The following TNIP3 variants were observed in gnomAD, a reference collection of about 807,000 sequenced individuals.
The protein encoded by TNIP3 is TNFAIP3 interacting protein 3.
A neutral mutation model predicts 54.1 loss-of-function variants in TNIP3; 34 were observed. The ratio of observed to expected loss-of-function variants is 0.63; its 90% confidence interval spans 0.48 to 0.84. The LOEUF (loss-of-function observed/expected upper bound fraction) is 0.84. Among genes scored for constraint, TNIP3 ranks in the 40% least tolerant of loss-of-function variants. The pLI is 0.00. For missense variants in TNIP3, 366 were observed against 387.6 expected, an observed-to-expected ratio of 0.94 and a Z score of 0.47; for synonymous variants, 134 against 136.8, an observed-to-expected ratio of 0.98 and a Z score of 0.14.
chr4:121,210,780 T>G (rs1018606542), intron 2 of TNIP3, among the ~76,000 whole-genome samples: 12 of 152,186 alleles, frequency 7.9e-5, no homozygotes, highest in African/African-American at 2.9e-4. Flanking sequence ...CCCACCCTTA[T>G]GACTTCACTT....
Position 121,164,301 on chromosome 4 carries a change from T to C in TNIP3, c.-176A>G. The C allele has an allele frequency of 1.4e-6, 2 of 1,426,158 alleles. No individual in the cohort carries two copies. The highest frequency in any genetic ancestry group is 1.5e-5 in the South Asian group (1 of 65,794). The allele number at this position is 1,426,158 out of a possible 1,614,324, so 88.3% of individuals were successfully genotyped here. A position where few individuals can be genotyped will look rare whatever the true frequency, so the allele number is the denominator to read the frequency against. ...CATTAAAAATGAACAGAAGTGACTG[T>C]GGATAGGAATTACACAGAATAAAGT... is the stretch of plus-strand genomic sequence containing the variant. On this transcript the variant is annotated 5_prime_UTR_variant, in exon 1 of 11. Coordinates refer to ENST00000057513, the MANE Select transcript of TNIP3 (RefSeq NM_024873.6).
At chr4:121,174,465 A>T (rs1724186082) in intron 3 of TNIP3, among the ~76,000 whole-genome samples, 1 of 152,106 alleles carries the variant, frequency 6.6e-6, no homozygotes, top group Admixed American at 6.5e-5. Context: ...GCATATAAAG[A>T]TGATGTAGGT....
At chr4:121,163,179 A>G (rs1730559292) in intron 1 of TNIP3, among the ~76,000 whole-genome samples, 1 of 152,126 alleles carries the variant, frequency 6.6e-6, no homozygotes, top group Non-Finnish European at 1.5e-5. Flanking sequence ...AAAATAGAAA[A>G]CATAGTGACT....
At chr4:121,174,998 T>A (rs1241996353) in intron 3 of TNIP3, among the ~76,000 whole-genome samples, 32 of 152,216 alleles carry the variant, frequency 2.1e-4, no homozygotes, top group Admixed American at 2.0e-3. Context: ...TGGGTTGAGA[T>A]GTCCCTAGGA....
At chr4:121,216,324 T>C in intron 2 of TNIP3, 6 of 1,134,880 alleles carry the variant, frequency 5.3e-6, no homozygotes, top group Middle Eastern at 2.9e-4. Context: ...TCTCTTCTAC[T>C]CTTAATACAC....
intron 2 of TNIP3, among the ~76,000 whole-genome samples, chr4:121,199,867 A>G (rs1299810127): frequency 6.6e-6 from 1 of 152,230 alleles, no homozygotes; most frequent in East Asian, 1.9e-4. Context: ...GTGTAACAGC[A>G]CATGGCTTAG....
chr4:121,169,584 G>C (rs758458598), intron 3 of TNIP3, among the ~76,000 whole-genome samples: 1 of 152,148 alleles, frequency 6.6e-6, no homozygotes, highest in Non-Finnish European at 1.5e-5. Flanking sequence ...TTTAGTGCCT[G>C]TGCGTGTTCA....
At chr4:121,226,313 CATA>C (rs1293475170) in intron 1 of TNIP3, among the ~76,000 whole-genome samples, 3 of 152,118 alleles carry the variant, frequency 2.0e-5, no homozygotes, top group South Asian at 4.2e-4. Flanking sequence ...AATGAAAAGG[CATA>C]ATGTTTTTCT....
rs567870618 is a variant in TNIP3, at chr4:121,184,341, G to A, written c.69-1545C>T. 2.1e-4 allele frequency among the ~76,000 whole-genome samples: 32 copies of A among 152,316 alleles called. No homozygotes were observed. In the South Asian group the frequency reaches 5.0e-3, roughly 24 times the overall value. On this transcript the variant is annotated intron_variant, in intron 2 of 12. Coordinates refer to the TNIP3 transcript ENST00000507879. ...GTTGTCTGCTCAATCCACCACCCTT[G>A]TTGAGAGTAGCTCACAGGAGTAGGC...
chr4:121,181,281 C>A (rs903243989), intron 3 of TNIP3, among the ~76,000 whole-genome samples: 3 of 152,172 alleles, frequency 2.0e-5, no homozygotes, highest in South Asian at 2.1e-4. Flanking sequence ...CATGAAATTT[C>A]TTTCTGAGGT....
chr4:121,208,666 T>C (rs1726314192), intron 2 of TNIP3, among the ~76,000 whole-genome samples: 1 of 152,204 alleles, frequency 6.6e-6, no homozygotes. Context: ...TTTGTCTAGG[T>C]AACAGGCAAG....
intron 3 of TNIP3, among the ~76,000 whole-genome samples, chr4:121,182,289 G>C (rs553498561): frequency 1.3e-5 from 2 of 152,038 alleles, no homozygotes; most frequent in Non-Finnish European, 2.9e-5. Context: ...AATACAAAAC[G>C]AAACAAAAAC....
intron 2 of TNIP3, among the ~76,000 whole-genome samples, chr4:121,201,358 C>T (rs183592068): frequency 6.6e-6 from 1 of 152,260 alleles, no homozygotes; most frequent in East Asian, 1.9e-4. Context: ...CAGAGTGGAA[C>T]ATCTTGTTAC....
intron 2 of TNIP3, among the ~76,000 whole-genome samples, chr4:121,195,637 A>G (rs13133740): frequency 0.41 from 61,703 of 152,136 alleles, 14,831 homozygotes; most frequent in African/African-American, 0.68. Flanking sequence ...GAATAAAATT[A>G]TTTGTTGTTC....
intron 2 of TNIP3, among the ~76,000 whole-genome samples, chr4:121,183,416 T>C (rs192775263): frequency 3.1e-4 from 47 of 151,986 alleles, no homozygotes; most frequent in African/African-American, 1.1e-3. Context: ...CCAGAGGGAG[T>C]TGCTCATAGT....
chr4:121,182,798 T>C lies in TNIP3; in HGVS notation c.69-2A>G. 1 of 1,534,092 alleles carries C rather than the reference T, an allele frequency of 6.5e-7. No homozygotes were observed. The highest frequency in any genetic ancestry group is 1.2e-5 in the South Asian group (1 of 83,964). ...TTGTCCAGCTCCATGCTTTCACATCTGCCCAGAAAGACATGGGAAAGTTAC... is the reference window on the plus strand; with the variant it reads ...TTGTCCAGCTCCATGCTTTCACATCCGCCCAGAAAGACATGGGAAAGTTAC... On this transcript the variant is annotated splice_acceptor_variant, in intron 2 of 12. Transcript: ENST00000507879. LOFTEE classifies it high-confidence loss of function.
intron 2 of TNIP3, among the ~76,000 whole-genome samples, chr4:121,210,923 G>A (rs1048963560): frequency 5.3e-5 from 8 of 152,096 alleles, no homozygotes; most frequent in Admixed American, 2.6e-4. Context: ...ATGTAGCACA[G>A]CAAAAAATGA....
chr4:121,221,832 A>G (rs573314921), intron 1 of TNIP3, among the ~76,000 whole-genome samples: 1 of 152,314 alleles, frequency 6.6e-6, no homozygotes, highest in Non-Finnish European at 1.5e-5. Context: ...TCCTTCTAAG[A>G]AGTCTTTTTG....
chr4:121,221,599 A>T (rs1347476554), upstream of TNIP3, among the ~76,000 whole-genome samples: 2 of 152,180 alleles, frequency 1.3e-5, no homozygotes, highest in African/African-American at 4.8e-5. Flanking sequence ...GTACTTAAGG[A>T]CCTTTGATTA....
Sources: allele counts gnomAD v4.1 joint callset (sites outside exome capture counted in the v4.1 genomes callset), GRCh38; gene constraint gnomAD v4.1.1; transcripts MANE v1.5; gene names NCBI Gene and HGNC (gene_info 2026-07-23, HGNC 2026-07-21).